The following AGBL4 variants were observed in gnomAD, a reference collection of about 807,000 sequenced individuals.
AGBL4 encodes cytosolic carboxypeptidase 6.
A neutral mutation model predicts 66.4 loss-of-function variants in AGBL4; 58 were observed. The observed-to-expected ratio is 0.87, with a 90% confidence interval of 0.71 to 1.09. The LOEUF (loss-of-function observed/expected upper bound fraction) is 1.09, where lower values mean the gene tolerates loss of function less well. AGBL4 is among the 50% of genes least tolerant of loss of function. The pLI is 0.00. For missense variants in AGBL4, 579 were observed against 631.0 expected (o/e 0.92, Z 0.88); for synonymous variants, 234 against 222.9 (o/e 1.05, Z -0.44).
At chr1:48,818,942 G>A (rs1360888770) in intron 6 of AGBL4, among the ~76,000 whole-genome samples, 1 of 152,148 alleles carries the variant, frequency 6.6e-6, no homozygotes, top group Non-Finnish European at 1.5e-5. Context: ...ATCCTGGAGT[G>A]AGGAAGCTAG....
intron 6 of AGBL4, among the ~76,000 whole-genome samples, chr1:48,714,056 T>C (rs555482756): frequency 6.6e-6 from 1 of 152,254 alleles, no homozygotes; most frequent in Admixed American, 6.5e-5. Context: ...TATAACATGA[T>C]CTTTAGAGAA....
intron 3 of AGBL4, among the ~76,000 whole-genome samples, chr1:49,452,922 C>T (rs1298779414): frequency 6.6e-6 from 1 of 151,874 alleles, no homozygotes; most frequent in Non-Finnish European, 1.5e-5. Context: ...TGGTCACTGG[C>T]AGGCACTTAT....
chr1:48,991,402 G>A lies in AGBL4; in HGVS notation c.594+54182C>T, dbSNP rs939746654. ...GTTTTATTTCTCTTGCTGCTTTTAG[G>A]ATCCCTTTATTCTTGACTTTTGCAA... is the stretch of plus-strand genomic sequence containing the variant. On this transcript the variant is annotated intron_variant, in intron 5 of 13. Coordinates refer to ENST00000371839, the MANE Select transcript of AGBL4 (RefSeq NM_032785.4). 6.6e-5 allele frequency among the ~76,000 whole-genome samples: 10 copies of A among 151,972 alleles called. 1 individual carries two copies. Among genetic ancestry groups the A allele is most frequent in the Non-Finnish European group, 1.0e-4 (7 of 68,002 alleles).
intron 6 of AGBL4, among the ~76,000 whole-genome samples, chr1:48,758,318 T>TA (rs1328581263): frequency 1.3e-5 from 2 of 152,194 alleles, no homozygotes; most frequent in Admixed American, 1.3e-4. Context: ...TTATTCCTCT[T>TA]AGTGTGCTCC....
intron 1 of AGBL4, among the ~76,000 whole-genome samples, chr1:49,975,526 A>T (rs939641190): frequency 6.6e-6 from 1 of 152,190 alleles, no homozygotes; most frequent in African/African-American, 2.4e-5. Context: ...GGTTCTACCT[A>T]TCTAAAATTT....
rs1270597436 is a variant in AGBL4 at position 49,072,690 on chromosome 1, C to T, written c.378-26890G>A. 2.0e-5 allele frequency among the ~76,000 whole-genome samples: 3 copies of T among 152,284 alleles called. No individual in the cohort carries two copies. In the East Asian group the frequency reaches 5.8e-4, roughly 29 times the overall value. ...GCCCTTAACATTTTTTCCTTCATTT[C>T]AACCTTGGTGAACCTGACGATTATG... On this transcript the variant is annotated intron_variant, in intron 4 of 13. Transcript: ENST00000371839.
At chr1:48,655,481 G>A (rs1333447256) in intron 7 of AGBL4, among the ~76,000 whole-genome samples, 1 of 152,158 alleles carries the variant, frequency 6.6e-6, no homozygotes, top group African/African-American at 2.4e-5. Context: ...ACCTGAGTTT[G>A]AATCTTAACT....
At chr1:49,478,017 G>A (rs9970179) in intron 3 of AGBL4, among the ~76,000 whole-genome samples, 91,228 of 150,930 alleles carry the variant, frequency 0.6, 28,352 homozygotes, top group Non-Finnish European at 0.67. Flanking sequence ...TACACAGTCA[G>A]ATGAGAAAAA....
chr1:49,523,146 T>C (rs949993712), intron 3 of AGBL4, among the ~76,000 whole-genome samples: 3 of 152,086 alleles, frequency 2.0e-5, no homozygotes, highest in African/African-American at 7.2e-5. Context: ...GATCTGGGAT[T>C]CAGCTATATT....
chr1:48,845,440 G>C (rs187499716), intron 6 of AGBL4, among the ~76,000 whole-genome samples: 7 of 152,326 alleles, frequency 4.6e-5, no homozygotes, highest in Non-Finnish European at 8.8e-5. Context: ...AGGAGCAATA[G>C]ATTTGTTCTG....
chr1:48,847,281 C>A (rs374452273), intron 6 of AGBL4, among the ~76,000 whole-genome samples: 1 of 151,456 alleles, frequency 6.6e-6, no homozygotes, highest in East Asian at 2.0e-4. Flanking sequence ...GCCTGGGCAA[C>A]AAGAGCAAAA....
chr1:50,020,127 G>A (rs556392934), intron 1 of AGBL4, among the ~76,000 whole-genome samples: 9 of 151,866 alleles, frequency 5.9e-5, no homozygotes, highest in Non-Finnish European at 8.8e-5. Context: ...CACAGAGACC[G>A]GTCCCATGAT....
intron 3 of AGBL4, among the ~76,000 whole-genome samples, chr1:49,571,777 A>T (rs754842805): frequency 2.0e-5 from 3 of 152,130 alleles, no homozygotes; most frequent in Non-Finnish European, 4.4e-5. Flanking sequence ...GTTTTTAATC[A>T]TGAAGCATTG....
At chr1:48,947,569 A>T (rs551472160) in intron 5 of AGBL4, among the ~76,000 whole-genome samples, 1 of 152,346 alleles carries the variant, frequency 6.6e-6, no homozygotes, top group East Asian at 1.9e-4. Context: ...CACTAACCTC[A>T]ACAGAATCCT....
chr1:49,287,610 GAA>G (rs1644444880), intron 3 of AGBL4, among the ~76,000 whole-genome samples: 1 of 151,984 alleles, frequency 6.6e-6, no homozygotes, highest in African/African-American at 2.4e-5. Flanking sequence ...AACACATGAA[GAA>G]ATGCTCATCA....
At chr1:49,694,687 A>G (rs1646951073) in intron 3 of AGBL4, among the ~76,000 whole-genome samples, 1 of 152,200 alleles carries the variant, frequency 6.6e-6, no homozygotes, top group Admixed American at 6.5e-5. Flanking sequence ...AGATTGCAAA[A>G]GAGGCTGTAT....
At chr1:49,179,085 A>G (rs985560685) in intron 4 of AGBL4, among the ~76,000 whole-genome samples, 2 of 152,246 alleles carry the variant, frequency 1.3e-5, no homozygotes, top group South Asian at 2.1e-4. Context: ...GGCTTTCATT[A>G]TTATTTCCAT....
chr1:48,929,423 C>A (rs970975577), intron 5 of AGBL4, among the ~76,000 whole-genome samples: 5 of 152,150 alleles, frequency 3.3e-5, no homozygotes, highest in Non-Finnish European at 7.4e-5. Flanking sequence ...TACCAACTTC[C>A]TTCCTGCCCC....
chr1:49,253,795 G>A (rs1247125120), intron 3 of AGBL4, among the ~76,000 whole-genome samples: 2 of 151,612 alleles, frequency 1.3e-5, no homozygotes, highest in Non-Finnish European at 2.9e-5. Flanking sequence ...GAATCCAGGA[G>A]CACATCAAAA....
Sources: gnomAD v4.1 joint callset for allele counts (sites outside exome capture counted in the v4.1 genomes callset) on GRCh38, gnomAD v4.1.1 for gene constraint, MANE v1.5 for transcripts, NCBI Gene and HGNC (gene_info 2026-07-23, HGNC 2026-07-21) for gene names.